HECW1: variants seen among roughly 807,000 people sequenced by gnomAD.
HECW1 encodes E3 ubiquitin-protein ligase HECW1.
A neutral mutation model predicts 182.3 loss-of-function variants in HECW1; 61 were observed. The observed-to-expected ratio is 0.33, with a 90% confidence interval of 0.27 to 0.41. The LOEUF is 0.41. Ranked by LOEUF, HECW1 falls within the 10% of genes least tolerant of loss-of-function variation. The pLI is 1.00. For missense variants in HECW1, 1,739 were observed against 2,108.9 expected (o/e 0.82, Z 3.44); for synonymous variants, 859 against 832.6 (o/e 1.03, Z -0.55).
At chr7:43,552,049 G>T (rs986656079) in intron 27 of HECW1, among the ~76,000 whole-genome samples, 173 bp from the exon 28 acceptor site, 2 of 152,090 alleles carry the variant, frequency 1.3e-5, no homozygotes, top group African/African-American at 4.8e-5. Flanking sequence ...GGAAGGAAAA[G>T]GATATAAACA....
chr7:43,490,931 G>T (rs759105174), intron 17 of HECW1, among the ~76,000 whole-genome samples: 1 of 152,018 alleles, frequency 6.6e-6, no homozygotes, highest in Non-Finnish European at 1.5e-5. Context: ...CTTATTTTTA[G>T]ATTTTTAGTG....
Position 43,485,845 on chromosome 7 carries a change from C to G in HECW1, c.3234+6101C>G, listed in dbSNP as rs138177990. Among the ~76,000 whole-genome samples the G allele has an allele frequency of 1.1e-3, 174 of 152,262 alleles. 1 individual carries two copies. Among genetic ancestry groups the G allele is most frequent in the African/African-American group, 4.0e-3 (167 of 41,532 alleles). ...TAATGTAGAATATAAACACTGCACA[C>G]TTAGGCTACACTAAATTTTTTTTAT... On this transcript the variant is annotated intron_variant, in intron 17 of 29. Transcript: ENST00000395891.
chr7:43,368,145 C>T (rs1166392262), intron 6 of HECW1, among the ~76,000 whole-genome samples: 10 of 152,214 alleles, frequency 6.6e-5, no homozygotes, highest in Non-Finnish European at 1.5e-4. Context: ...AATCCCCATG[C>T]TCATCAAGCC....
At chr7:43,435,354 A>G (rs573703878) in intron 8 of HECW1, among the ~76,000 whole-genome samples, 56 of 152,242 alleles carry the variant, frequency 3.7e-4, no homozygotes, top group African/African-American at 1.3e-3. Flanking sequence ...TTAGAGTAGT[A>G]CCTATTCCTG....
chr7:43,289,571 G>A (rs1045720899), intron 3 of HECW1, among the ~76,000 whole-genome samples: 1 of 152,228 alleles, frequency 6.6e-6, no homozygotes, highest in African/African-American at 2.4e-5. Context: ...CGAGGACCCT[G>A]GGGACAGTAA....
rs548481410 is a variant in HECW1 at position 43,236,315 on chromosome 7, A to T, written c.-31-7560A>T. Among the ~76,000 whole-genome samples the T allele has an allele frequency of 5.5e-4, 84 of 152,278 alleles. No homozygotes were observed. In the East Asian group the frequency reaches 0.014, roughly 26 times the overall value. ...AAATTATTAAGTGATTTGGGAAACC[A>T]TTCATGGGGGGGAAAAGCTCAAATG... On this transcript the variant is annotated intron_variant, in intron 2 of 29. Transcript: ENST00000395891.
chr7:43,343,470 A>G (rs1813287691), intron 5 of HECW1, among the ~76,000 whole-genome samples: 1 of 151,518 alleles, frequency 6.6e-6, no homozygotes, highest in South Asian at 2.1e-4. Context: ...CCTGTGTCCA[A>G]GTGTTCTCAT....
chr7:43,151,136 C>CT (rs1789275043), intron 2 of HECW1: 1 of 152,628 alleles, frequency 6.6e-6, no homozygotes. Context: ...AAGACAGAGG[C>CT]TGGAGAAGTG....
intron 21 of HECW1, among the ~76,000 whole-genome samples, chr7:43,503,623 G>A (rs1245310639): frequency 6.6e-6 from 1 of 152,110 alleles, no homozygotes; most frequent in Non-Finnish European, 1.5e-5. Context: ...TTATTCTCTA[G>A]CATTGACCAC....
At chr7:43,122,324 G>C (rs948618214) in intron 2 of HECW1, among the ~76,000 whole-genome samples, 1 of 152,182 alleles carries the variant, frequency 6.6e-6, no homozygotes, top group African/African-American at 2.4e-5. Context: ...AATTGTCCCA[G>C]TAACTCTTTC....
intron 16 of HECW1, among the ~76,000 whole-genome samples, chr7:43,472,677 A>T (rs2078069933): frequency 6.6e-6 from 1 of 152,210 alleles, no homozygotes; most frequent in Admixed American, 6.5e-5. Flanking sequence ...AATTGGGCTC[A>T]CTAAATTACA....
At chr7:43,223,882 G>T (rs1797199978) in intron 2 of HECW1, among the ~76,000 whole-genome samples, 1 of 152,124 alleles carries the variant, frequency 6.6e-6, no homozygotes, top group Non-Finnish European at 1.5e-5. Flanking sequence ...TGAATCCCCA[G>T]GTCTCACTTC....
chr7:43,206,844 C>A (rs542879447), intron 2 of HECW1, among the ~76,000 whole-genome samples: 1 of 152,262 alleles, frequency 6.6e-6, no homozygotes, highest in African/African-American at 2.4e-5. Context: ...AATCTTTAAG[C>A]TATTTAGAAT....
At chr7:43,142,996 G>T (rs549012176) in intron 2 of HECW1, among the ~76,000 whole-genome samples, 2 of 152,270 alleles carry the variant, frequency 1.3e-5, no homozygotes, top group South Asian at 4.1e-4. Context: ...AGAGTGGTAG[G>T]CTGCCTATTT....
intron 24 of HECW1, among the ~76,000 whole-genome samples, chr7:43,529,156 T>C (rs73693014): frequency 0.059 from 8,961 of 152,038 alleles, 880 homozygotes; most frequent in African/African-American, 0.2. Flanking sequence ...TCTAAAATCC[T>C]ACTGTCAATC....
chr7:43,114,531 T>C (rs185254532), intron 2 of HECW1, 140 bp downstream of exon 2: 170 of 721,488 alleles, frequency 2.4e-4, no homozygotes, highest in Middle Eastern at 1.7e-3. Context: ...TCCCTGTTGG[T>C]AGAATTCCCT....
chr7:43,273,606 C>T (rs1391366196), intron 3 of HECW1, among the ~76,000 whole-genome samples: 1 of 151,930 alleles, frequency 6.6e-6, no homozygotes, highest in Non-Finnish European at 1.5e-5. Flanking sequence ...AGTATGAAAT[C>T]ATAAAAACTC....
At chr7:43,180,785 G>A (rs1386543040) in intron 2 of HECW1, among the ~76,000 whole-genome samples, 5 of 152,182 alleles carry the variant, frequency 3.3e-5, no homozygotes, top group Non-Finnish European at 7.3e-5. Flanking sequence ...ATTGTTTAAT[G>A]AACAAATCAG....
intron 2 of HECW1, among the ~76,000 whole-genome samples, chr7:43,115,375 T>C (rs933639046): frequency 6.6e-6 from 1 of 150,508 alleles, no homozygotes; most frequent in Non-Finnish European, 1.5e-5. Context: ...ATTGAATTAA[T>C]TGGATAACAG....
Sources: gnomAD v4.1 joint callset for allele counts (sites outside exome capture counted in the v4.1 genomes callset) on GRCh38, gnomAD v4.1.1 for gene constraint, MANE v1.5 for transcripts, NCBI Gene and HGNC (gene_info 2026-07-23, HGNC 2026-07-21) for gene names.